Variants in ABCC1 observed in about 807,000 individuals in gnomAD.
The protein encoded by ABCC1 is ATP binding cassette subfamily C member 1 (ABCC1 blood group), also known as multidrug resistance-associated protein 1.
Under a neutral mutation model 172.9 loss-of-function variants are expected in ABCC1, and 83 were observed. The observed-to-expected ratio is 0.48, with a 90% CI of 0.40 to 0.58. The LOEUF is 0.58. ABCC1 is among the 20% of genes least tolerant of loss of function. ABCC1 has a pLI of 0.00. For synonymous variants in ABCC1, 937 were observed against 825.2 expected (o/e 1.14, Z -2.32); for missense variants, 1,817 against 2,002.7 (o/e 0.91, Z 1.77).
At chr16:15,979,444 C>T (rs548793499) in intron 1 of ABCC1, among the ~76,000 whole-genome samples, 7 of 152,186 alleles carry the variant, frequency 4.6e-5, no homozygotes, top group South Asian at 4.1e-4. Context: ...AAAGGCAGCA[C>T]GTGTAAGGTG....
At chr16:15,986,973 T>C (rs1411122814) in intron 1 of ABCC1, among the ~76,000 whole-genome samples, 2 of 152,170 alleles carry the variant, frequency 1.3e-5, no homozygotes, top group East Asian at 3.9e-4. Flanking sequence ...GAGACCAGCC[T>C]GGACAATGTG....
chr16:15,972,867 C>T (rs1310839980), intron 1 of ABCC1, among the ~76,000 whole-genome samples: 1 of 137,816 alleles, frequency 7.3e-6, no homozygotes, highest in Non-Finnish European at 1.5e-5. Context: ...GGCACAATCT[C>T]AGCTCGCTGC....
chr16:16,113,489 T>C (rs1326553485), intron 22 of ABCC1, among the ~76,000 whole-genome samples: 1 of 152,088 alleles, frequency 6.6e-6, no homozygotes, highest in Admixed American at 6.6e-5. Context: ...ACCCTGTTTC[T>C]ACAAAAAATA....
intron 20 of ABCC1, 110 bp from the exon 21 acceptor site, chr16:16,106,628 T>C: frequency 1.5e-6 from 2 of 1,354,888 alleles, no homozygotes; most frequent in Non-Finnish European, 1.0e-6. Context: ...GTGGAAACAC[T>C]CCGTCTCTTA....
intron 1 of ABCC1, among the ~76,000 whole-genome samples, chr16:16,006,723 G>GC (rs1406590996): frequency 3.9e-5 from 6 of 152,116 alleles, no homozygotes; most frequent in Non-Finnish European, 7.3e-5. Context: ...ACCCTTCTGT[G>GC]CCTGAGTTTC....
chr16:16,002,737 A>AT (rs1442789554), intron 1 of ABCC1, among the ~76,000 whole-genome samples: 4 of 149,346 alleles, frequency 2.7e-5, no homozygotes, highest in Non-Finnish European at 4.4e-5. Context: ...GCACCACTGC[A>AT]TTCCAGCCTG....
chr16:16,015,092 C>T (rs1237665943), intron 4 of ABCC1, among the ~76,000 whole-genome samples: 1 of 150,300 alleles, frequency 6.7e-6, no homozygotes, highest in Non-Finnish European at 1.5e-5. Context: ...TTTACATTGG[C>T]TGCTGTGTGC....
intron 1 of ABCC1, among the ~76,000 whole-genome samples, chr16:15,954,085 A>G (rs1276247182): frequency 1.5e-5 from 2 of 137,264 alleles, no homozygotes; most frequent in South Asian, 2.3e-4. Context: ...TCGGTTCACT[A>G]CAACCTCTGC....
intron 11 of ABCC1, among the ~76,000 whole-genome samples, chr16:16,054,642 C>T (rs1669323533): frequency 6.6e-6 from 1 of 152,030 alleles, no homozygotes; most frequent in Admixed American, 6.6e-5. Context: ...GATTGAGTCA[C>T]CCTTCAGTCT....
At chr16:16,050,570 C>T (rs1225712872) in intron 10 of ABCC1, among the ~76,000 whole-genome samples, 1 of 149,700 alleles carries the variant, frequency 6.7e-6, no homozygotes, top group Non-Finnish European at 1.5e-5. Context: ...AATAATAAAA[C>T]TCAGAAAAAA....
chr16:16,036,353 G>T, intron 6 of ABCC1, 119 bp from the exon 7 acceptor site: 1 of 885,240 alleles, frequency 1.1e-6, no homozygotes. Flanking sequence ...CATTTGCAGC[G>T]GGCAGCTGTG....
chr16:15,984,830 G>A (rs2046708556), intron 1 of ABCC1, among the ~76,000 whole-genome samples: 4 of 152,280 alleles, frequency 2.6e-5, no homozygotes, highest in East Asian at 1.9e-4. Flanking sequence ...GCCAGGTGCA[G>A]TGTGGGTCAC....
chr16:16,094,443 T>G (rs1422191080), intron 19 of ABCC1: 2 of 177,728 alleles, frequency 1.1e-5, no homozygotes, highest in African/African-American at 4.8e-5. Context: ...TAAAGTGGCA[T>G]CTTTCTGATA....
intron 17 of ABCC1, among the ~76,000 whole-genome samples, chr16:16,085,644 G>A (rs1362613063): frequency 1.3e-5 from 2 of 152,204 alleles, no homozygotes; most frequent in African/African-American, 4.8e-5. Flanking sequence ...GCCAGGCATG[G>A]TGCCGTGCAC....
At chr16:16,104,432 A>C (rs1482278366) in intron 20 of ABCC1, among the ~76,000 whole-genome samples, 1 of 152,114 alleles carries the variant, frequency 6.6e-6, no homozygotes, top group Non-Finnish European at 1.5e-5. Flanking sequence ...GATTAGCTAG[A>C]TATAGAGTGT....
At position 16,142,936 on chromosome 16, in the gene ABCC1, A is replaced by T. The variant is rs957095288; in HGVS notation, c.*1655A>T. 1 of 152,562 alleles carries T rather than the reference A, an allele frequency of 6.6e-6. No individual in the cohort carries two copies. The highest frequency in any genetic ancestry group is 1.5e-5 in the Non-Finnish European group (1 of 68,008). 9.5% of individuals were successfully genotyped at this position (152,562 alleles called of 1,614,324 possible). A position where few individuals can be genotyped will look rare whatever the true frequency, so the allele number is the denominator to read the frequency against. On this transcript the variant is annotated 3_prime_UTR_variant, in exon 31 of 31. Coordinates refer to ENST00000399410, the MANE Select transcript of ABCC1 (RefSeq NM_004996.4). The stretch of plus-strand genomic sequence containing the variant: ...CTTTTAGGCGAAAACGCATATATTT[A>T]TTTTTTGTAAGTTATACCATTCTTT...
At chr16:16,121,257 G>A (rs188982878) in intron 23 of ABCC1, among the ~76,000 whole-genome samples, 1 of 152,258 alleles carries the variant, frequency 6.6e-6, no homozygotes, top group Admixed American at 6.5e-5. Flanking sequence ...TGCCTGGGCT[G>A]GTCTCAGACT....
chr16:15,999,811 T>TC (rs1555478356), intron 1 of ABCC1, among the ~76,000 whole-genome samples: 4 of 34,136 alleles, frequency 1.2e-4, no homozygotes, highest in African/African-American at 2.1e-4. Context: ...CTCTCTCTCC[T>TC]CTCTCTCTCT....
At chr16:15,988,298 C>T (rs1171552365) in intron 1 of ABCC1, among the ~76,000 whole-genome samples, 1 of 152,142 alleles carries the variant, frequency 6.6e-6, no homozygotes, top group Non-Finnish European at 1.5e-5. Flanking sequence ...TCTTCATATC[C>T]TCTCCTTTCT....
Sources: gnomAD v4.1 joint callset for allele counts (sites outside exome capture counted in the v4.1 genomes callset) on GRCh38, gnomAD v4.1.1 for gene constraint, MANE v1.5 for transcripts, NCBI Gene and HGNC (gene_info 2026-07-23, HGNC 2026-07-21) for gene names.